Variants in DNAJC13 observed in about 807,000 individuals in gnomAD.
The protein encoded by DNAJC13 is DnaJ heat shock protein family (Hsp40) member C13, also known as dnaJ homolog subfamily C member 13.
A neutral mutation model predicts 290.5 loss-of-function variants in DNAJC13; 75 were observed. The ratio of observed to expected loss-of-function variants is 0.26; its 90% CI spans 0.21 to 0.31. The LOEUF (loss-of-function observed/expected upper bound fraction) is 0.31. Ranked by LOEUF, DNAJC13 falls within the 10% of genes least tolerant of loss-of-function variation. DNAJC13 has a pLI of 1.00. For missense variants in DNAJC13, 2,260 were observed against 2,674.5 expected, an observed-to-expected ratio of 0.85 and a Z score of 3.42; for synonymous variants, 862 against 892.0, an observed-to-expected ratio of 0.97 and a Z score of 0.60.
At chr3:132,487,812 C>G (rs1934931148) in intron 29 of DNAJC13, among the ~76,000 whole-genome samples, 2 of 152,050 alleles carry the variant, frequency 1.3e-5, no homozygotes, top group Admixed American at 1.3e-4. Flanking sequence ...TTTGGTACTT[C>G]CTGGTAGCAG....
chr3:132,451,489 T>G (rs1559874266), intron 6 of DNAJC13, among the ~76,000 whole-genome samples: 1 of 152,168 alleles, frequency 6.6e-6, no homozygotes. Flanking sequence ...CAGAAGCTAC[T>G]TAAGGTGCTG....
intron 55 of DNAJC13, 31 bp from the exon 56 acceptor site, chr3:132,538,145 A>G: frequency 6.3e-7 from 1 of 1,579,438 alleles, no homozygotes; most frequent in Non-Finnish European, 8.7e-7. Context: ...ACTGCTTTCT[A>G]GAGGTGTGTG....
chr3:132,426,842 A>T (rs1402356656), intron 1 of DNAJC13, among the ~76,000 whole-genome samples: 3 of 152,094 alleles, frequency 2.0e-5, no homozygotes, highest in Admixed American at 2.0e-4. Flanking sequence ...TAGCCATCAA[A>T]CATAAATTTA....
At chr3:132,494,029 A>T (rs2107711247) in intron 33 of DNAJC13, 115 bp from the exon 34 acceptor site, 1 of 721,982 alleles carries the variant, frequency 1.4e-6, no homozygotes. Flanking sequence ...AAAGCTGTTA[A>T]TTGGACAGCT....
At chr3:132,453,863 CAA>C (rs1933500900) in intron 8 of DNAJC13, among the ~76,000 whole-genome samples, 169 bp downstream of exon 8, 1 of 152,066 alleles carries the variant, frequency 6.6e-6, no homozygotes, top group Admixed American at 6.6e-5. Flanking sequence ...ATGATTATTA[CAA>C]AAGTTATTTT....
chr3:132,519,793 T>G (rs2107740871), intron 48 of DNAJC13, among the ~76,000 whole-genome samples: 1 of 152,312 alleles, frequency 6.6e-6, no homozygotes, highest in East Asian at 1.9e-4. Flanking sequence ...GGTGGGCCAG[T>G]AAACTTTCTC....
intron 32 of DNAJC13, 126 bp downstream of exon 32, chr3:132,491,177 T>A: frequency 1.2e-6 from 1 of 819,660 alleles, no homozygotes; most frequent in Non-Finnish European, 1.8e-6. Context: ...CAGTAATCAT[T>A]GATGCCAAAT....
At chr3:132,522,797 G>A in intron 48 of DNAJC13, 31 bp from the exon 49 acceptor site, 1 of 1,559,670 alleles carries the variant, frequency 6.4e-7, no homozygotes, top group East Asian at 2.3e-5. Flanking sequence ...TCCAATAGGT[G>A]TCTTTTTCAT....
intron 2 of DNAJC13, among the ~76,000 whole-genome samples, chr3:132,445,980 A>G (rs1034208407): frequency 6.6e-6 from 1 of 152,078 alleles, no homozygotes; most frequent in Non-Finnish European, 1.5e-5. Context: ...AAATTGCAAC[A>G]CTGAGATGTA....
Position 132,488,336 on chromosome 3 carries a change from T to C in DNAJC13, c.3306T>C (p.Val1102=). 1 of 1,613,072 alleles carries C rather than the reference T, an allele frequency of 6.2e-7. No individual in the cohort carries two copies. The highest frequency in any genetic ancestry group is 2.2e-5 in the East Asian group (1 of 44,818). The part of the protein sequence containing the change: ...LTFDPILVEK[V]AILLYHIMQD... ...TTGACCCTATCCTTGTTGAGAAGGT[T>C]GCTATTTTGTTATACCATATCATGC... The change falls in exon 30 of 56, where the codon GTT becomes GTC. Residue 1102 remains valine (V), a synonymous_variant. Transcript: ENST00000260818.
At chr3:132,502,029 A>G (rs1029769159) in intron 39 of DNAJC13, among the ~76,000 whole-genome samples, 4 of 152,238 alleles carry the variant, frequency 2.6e-5, no homozygotes, top group African/African-American at 9.6e-5. Context: ...AAGAAGTGAA[A>G]CAGGAAACTA....
At position 132,483,414 on chromosome 3, in the gene DNAJC13, A is replaced by G. The variant is rs781748790; in HGVS notation, c.3019A>G (p.Thr1007Ala). The G allele has an allele frequency of 1.7e-5, 28 of 1,613,946 alleles. No homozygotes were observed. The highest frequency in any genetic ancestry group is 2.3e-5 in the Non-Finnish European group (27 of 1,179,996). ...LWTKGMLNAK[T>A]RCWAQGMDGW... ...GACCAAAGGAATGTTAAATGCAAAA[A>G]CCAGATGCTGGGCTCAAGGCATGGA... Residue 1007 changes from threonine (T) to alanine (A), a missense_variant, in exon 28 of 56, where the codon ACC (threonine) becomes GCC (alanine). Transcript: ENST00000260818.
chr3:132,466,798 G>A (rs189576415), intron 19 of DNAJC13, among the ~76,000 whole-genome samples: 4 of 152,232 alleles, frequency 2.6e-5, no homozygotes, highest in Admixed American at 2.6e-4. Context: ...GTTATAGGTA[G>A]GGTTTTTTTC....
intron 3 of DNAJC13, 40 bp from the exon 4 acceptor site, chr3:132,447,281 G>C: frequency 2.1e-6 from 3 of 1,452,556 alleles, no homozygotes; most frequent in African/African-American, 2.9e-5. Flanking sequence ...ACATTTTACT[G>C]TATTATAGTA....
chr3:132,512,713 C>T (rs764329953), intron 44 of DNAJC13, among the ~76,000 whole-genome samples: 2 of 152,094 alleles, frequency 1.3e-5, no homozygotes, highest in Non-Finnish European at 2.9e-5. Context: ...CTACCTTACA[C>T]TTTAGATTTT....
intron 42 of DNAJC13, among the ~76,000 whole-genome samples, chr3:132,505,699 C>T (rs896157007): frequency 1.3e-5 from 2 of 152,062 alleles, no homozygotes; most frequent in African/African-American, 2.4e-5. Context: ...AGCCTCTTTT[C>T]GCTAGTAAGT....
Position 132,492,396 on chromosome 3 carries a change from A to G in DNAJC13, c.3624-18A>G, listed in dbSNP as rs1309849665. 3.1e-6 allele frequency: 5 copies of G among 1,612,566 alleles called. No individual in the cohort carries two copies. Among genetic ancestry groups the G allele is most frequent in the Non-Finnish European group, 4.2e-6 (5 of 1,179,224 alleles). On this transcript the variant is annotated intron_variant, in intron 32 of 55. Coordinates refer to ENST00000260818, the MANE Select transcript of DNAJC13 (RefSeq NM_015268.4). Reference sequence around the variant, plus strand: ...ATAATACCTCATAAAGCTTGAATGGAGGTTTTTATGATTGTAGGCGCCTGA... The same window carrying G: ...ATAATACCTCATAAAGCTTGAATGGGGGTTTTTATGATTGTAGGCGCCTGA...
Position 132,500,976 on chromosome 3 carries a change from A to G in DNAJC13, c.4536+63A>G, listed in dbSNP as rs371672661. On this transcript the variant is annotated intron_variant, in intron 39 of 55. Transcript: ENST00000260818. ...CAAAGTGTCTTTTTGTCAACTAGCC[A>G]GTTCCTAATGTATAAGCACATTGTT... 888 of 1,574,568 alleles carry G rather than the reference A, an allele frequency of 5.6e-4. 7 individuals carry two copies. In the South Asian group the frequency reaches 9.5e-3, roughly 17 times the overall value.
intron 1 of DNAJC13, among the ~76,000 whole-genome samples, chr3:132,430,012 C>T (rs1939200481): frequency 6.6e-6 from 1 of 152,134 alleles, no homozygotes; most frequent in Non-Finnish European, 1.5e-5. Flanking sequence ...AGTACTACTA[C>T]TTTCCTCCTA....
Sources: gnomAD v4.1 joint callset for allele counts (sites outside exome capture counted in the v4.1 genomes callset) on GRCh38, gnomAD v4.1.1 for gene constraint, MANE v1.5 for transcripts, NCBI Gene and HGNC (gene_info 2026-07-23, HGNC 2026-07-21) for gene names.